UGT1A8: variants seen among roughly 807,000 people sequenced by gnomAD.
UGT1A8 encodes the protein UDP-glucuronosyltransferase 1A8.
A neutral mutation model predicts 45.3 loss-of-function variants in UGT1A8; 39 were observed. The ratio of observed to expected loss-of-function variants is 0.86; its 90% CI spans 0.67 to 1.12. The LOEUF is 1.12. UGT1A8 is among the 50% of genes most tolerant of loss of function. UGT1A8 has a pLI of 0.00. For missense variants in UGT1A8, 719 were observed against 664.9 expected, an observed-to-expected ratio of 1.08 and a Z score of -0.90; for synonymous variants, 275 against 249.2, an observed-to-expected ratio of 1.10 and a Z score of -0.97.
In UGT1A8 at chr2:233,630,129, G is replaced by A. The variant is rs993816273; in HGVS notation, c.855+11567G>A. 1.3e-5 allele frequency among the ~76,000 whole-genome samples: 2 copies of A among 151,828 alleles called. 1 individual carries two copies. Among genetic ancestry groups the A allele is most frequent in the Non-Finnish European group, 2.9e-5 (2 of 67,938 alleles). On this transcript the variant is annotated intron_variant, in intron 1 of 4. Coordinates refer to ENST00000373450, the MANE Select transcript of UGT1A8 (RefSeq NM_019076.5). The stretch of plus-strand genomic sequence containing the variant: ...AGCTTTGGTTTCATTAATTTTGCCT[G>A]TTTTTTAAATGCATTTTCCATTTCA...
intron 1 of UGT1A8, chr2:233,691,079 T>G (rs2075027628): frequency 1.0e-6 from 1 of 986,090 alleles, no homozygotes; most frequent in African/African-American, 1.7e-5. Flanking sequence ...ATGTGAAGTT[T>G]GTAGCATCTC....
At chr2:233,729,381 C>T (rs141683822) in intron 1 of UGT1A8, 80 of 1,613,822 alleles carry the variant, frequency 5.0e-5, no homozygotes, top group Non-Finnish European at 6.7e-5. Flanking sequence ...TTTCGTGGAC[C>T]CAGGATGAAT....
At chr2:233,647,221 G>A (rs1416572292) in intron 1 of UGT1A8, among the ~76,000 whole-genome samples, 2 of 152,190 alleles carry the variant, frequency 1.3e-5, no homozygotes, top group Non-Finnish European at 2.9e-5. Context: ...CGTGGAAATT[G>A]TGGGAGTTCC....
In UGT1A8 at chr2:233,747,393, C is replaced by T. The variant is rs925567764; in HGVS notation, c.856-19641C>T. Reference sequence around the variant, plus strand: ...TGCCAGAGGCCACCAGGCGGTGGTCCTCACCCCAGAGGTGAATATGCACAT... The same window carrying T: ...TGCCAGAGGCCACCAGGCGGTGGTCTTCACCCCAGAGGTGAATATGCACAT... On this transcript the variant is annotated intron_variant, in intron 1 of 4. Transcript: ENST00000373450. 15 of 1,605,988 alleles carry T rather than the reference C, an allele frequency of 9.3e-6. No homozygotes were observed. The East Asian group carries it at 3.3e-4, about 36-fold the overall frequency.
chr2:233,769,729 C>T lies in UGT1A8; in HGVS notation c.1295+1290C>T. The T allele has an allele frequency of 6.8e-6, 10 of 1,468,988 alleles. No homozygotes were observed. Among genetic ancestry groups the T allele is most frequent in the Non-Finnish European group, 9.0e-6 (10 of 1,109,108 alleles). 91.0% of individuals were successfully genotyped at this position (1,468,988 alleles called of 1,614,324 possible). ...TGTTGGCTAGGCACCATGGCACACGCCTGTAGTCCCAGCCACTCTGGAGGC... is the reference window on the plus strand; with the variant it reads ...TGTTGGCTAGGCACCATGGCACACGTCTGTAGTCCCAGCCACTCTGGAGGC... On this transcript the variant is annotated intron_variant, in intron 4 of 4. Transcript: ENST00000373450. This position sits in a 1 kb window ranked among gnomAD's most constrained non-coding sequence, Gnocchi z 4.4.
At position 233,694,085 on chromosome 2, in the gene UGT1A8, A is replaced by G. The variant is rs1034511952; in HGVS notation, c.856-72949A>G. Among the ~76,000 whole-genome samples the G allele has an allele frequency of 7.2e-5, 11 of 152,174 alleles. No individual in the cohort carries two copies. In the East Asian group the frequency reaches 2.1e-3, roughly 29 times the overall value. ...GACAGGGCTCATGCTTGGCAAGAGT[A>G]GGAGATTTGCTTAGTTGGATAATCT... On this transcript the variant is annotated intron_variant, in intron 1 of 4. Coordinates refer to ENST00000373450, the MANE Select transcript of UGT1A8 (RefSeq NM_019076.5).
At chr2:233,629,172 T>A (rs546108386) in intron 1 of UGT1A8, among the ~76,000 whole-genome samples, 197 of 152,268 alleles carry the variant, frequency 1.3e-3, no homozygotes, top group African/African-American at 4.6e-3. Flanking sequence ...TTATTCTACG[T>A]ATCTGACTAT....
intron 1 of UGT1A8, among the ~76,000 whole-genome samples, chr2:233,695,045 A>G (rs2075255469): frequency 6.6e-6 from 1 of 152,000 alleles, no homozygotes; most frequent in African/African-American, 2.4e-5. Context: ...TGTTAACCAT[A>G]GTCACCCTAC....
At chr2:233,649,155 T>A in intron 1 of UGT1A8, 1 of 529,170 alleles carries the variant, frequency 1.9e-6, no homozygotes, top group Non-Finnish European at 2.8e-6. Context: ...TAAAAAATTA[T>A]TTTGTGCCAT....
In UGT1A8 at chr2:233,769,690, G is replaced by A; in HGVS notation, c.1295+1251G>A. ...GTGCTAATGTGTGTGTGGTGGCACT[G>A]GATAAAAGATCAATGTTGGCTAGGC... On this transcript the variant is annotated intron_variant, in intron 4 of 4. Transcript: ENST00000373450. The surrounding 1 kb of genome is among the most constrained non-coding windows in gnomAD (Gnocchi z 4.4). The A allele has an allele frequency of 6.5e-7, 1 of 1,547,510 alleles. No homozygotes were observed. Among genetic ancestry groups the A allele is most frequent in the African/African-American group, 1.4e-5 (1 of 73,636 alleles).
intron 1 of UGT1A8, chr2:233,682,569 T>C (rs1226990386): frequency 4.3e-6 from 7 of 1,613,850 alleles, no homozygotes; most frequent in Non-Finnish European, 5.9e-6. Flanking sequence ...TGGAACCACA[T>C]CATGCACTTG....
Position 233,713,658 on chromosome 2 carries a change from C to T in UGT1A8, c.856-53376C>T, listed in dbSNP as rs376312935. The stretch of plus-strand genomic sequence containing the variant: ...GCTCTACCCTCTGGCCCTGTCCTAC[C>T]TTTGCCATGCTGTTTCTGCTCCTTA... On this transcript the variant is annotated intron_variant, in intron 1 of 4. Coordinates refer to ENST00000373450, the MANE Select transcript of UGT1A8 (RefSeq NM_019076.5). 2 of 1,613,954 alleles carry T rather than the reference C, an allele frequency of 1.2e-6. No homozygotes were observed. Among genetic ancestry groups the T allele is most frequent in the Non-Finnish European group, 1.7e-6 (2 of 1,179,862 alleles).
In UGT1A8 at chr2:233,768,392, T is replaced by G. The variant is rs761552961; in HGVS notation, c.1248T>G (p.Thr416=). The G allele has an allele frequency of 1.2e-6, 2 of 1,614,156 alleles. No homozygotes were observed. Among genetic ancestry groups the G allele is most frequent in the Non-Finnish European group, 1.7e-6 (2 of 1,180,042 alleles). Residue 416 remains threonine, a synonymous_variant, in exon 4 of 5, where the codon ACT becomes ACG. Coordinates refer to ENST00000373450, the MANE Select transcript of UGT1A8 (RefSeq NM_019076.5). Reference sequence around the variant, plus strand: ...TGACCCTGAATGTTCTGGAAATGACTTCTGAAGATTTAGAAAATGCTCTAA... The same window carrying G: ...TGACCCTGAATGTTCTGGAAATGACGTCTGAAGATTTAGAAAATGCTCTAA... ...AGVTLNVLEM[T]SEDLENALKA...
intron 1 of UGT1A8, among the ~76,000 whole-genome samples, chr2:233,707,554 G>GTTTTTTTTTTTTTTTTTTTTTTT (rs2075972438): frequency 7.1e-6 from 1 of 141,820 alleles, no homozygotes. Context: ...TTTTTTTTTG[G>GTTTTTTTTTTTTTTTTTTTTTTT]TTCAACCTTA....
intron 1 of UGT1A8, among the ~76,000 whole-genome samples, chr2:233,683,508 C>T (rs1219517388): frequency 6.6e-6 from 1 of 152,048 alleles, no homozygotes; most frequent in Non-Finnish European, 1.5e-5. Flanking sequence ...GGGTATCATC[C>T]TATGAGTATG....
chr2:233,653,098 G>A (rs1271567934), intron 1 of UGT1A8, among the ~76,000 whole-genome samples: 3 of 152,206 alleles, frequency 2.0e-5, no homozygotes, highest in Non-Finnish European at 4.4e-5. Flanking sequence ...GGCAACCACA[G>A]TCCCAAAAGA....
chr2:233,754,969 T>G (rs1369050195), intron 1 of UGT1A8: 1 of 1,302,528 alleles, frequency 7.7e-7, no homozygotes, highest in East Asian at 4.6e-5. Flanking sequence ...AAGAACTCCC[T>G]GAAGACCTCG....
At position 233,669,032 on chromosome 2, in the gene UGT1A8, G is replaced by C. The variant is rs190216379; in HGVS notation, c.855+50470G>C. 5.9e-5 allele frequency among the ~76,000 whole-genome samples: 9 copies of C among 152,328 alleles called. No homozygotes were observed. In the East Asian group the frequency reaches 1.7e-3, roughly 29 times the overall value. ...ACACAGGGGTTATAGGTTTTTAGGA[G>C]GAAGACCACAAGGTAATGTGTTTTC... On this transcript the variant is annotated intron_variant, in intron 1 of 4. Transcript: ENST00000373450.
intron 1 of UGT1A8, among the ~76,000 whole-genome samples, chr2:233,661,197 C>T (rs1287080138): frequency 1.3e-5 from 2 of 151,716 alleles, no homozygotes; most frequent in Non-Finnish European, 2.9e-5. Flanking sequence ...GAGCGTTCCC[C>T]AACAGTCTGG....
Sources: allele counts gnomAD v4.1 joint callset (sites outside exome capture counted in the v4.1 genomes callset), GRCh38; gene constraint gnomAD v4.1.1; non-coding constraint Gnocchi (gnomAD v3.1); transcripts MANE v1.5; gene names NCBI Gene and HGNC (gene_info 2026-07-23, HGNC 2026-07-21).